The following NEGR1 variants were observed in gnomAD, a reference collection of about 807,000 sequenced individuals.
NEGR1 encodes the protein IgLON family member 4.
NEGR1 carries 10 observed loss-of-function variants against 40.9 expected under a neutral mutation model. The observed-to-expected ratio is 0.24, with a 90% CI of 0.15 to 0.42. The LOEUF (loss-of-function observed/expected upper bound fraction) is 0.42, where lower values mean the gene tolerates loss of function less well. Among genes scored for constraint, NEGR1 ranks in the 10% least tolerant of loss-of-function variants. NEGR1 has a pLI of 1.00. For missense variants in NEGR1, 352 were observed against 438.9 expected (o/e 0.80, Z 1.77); for synonymous variants, 185 against 166.8 (o/e 1.11, Z -0.84).
At chr1:71,827,165 GA>G (rs1658656623) in intron 2 of NEGR1, among the ~76,000 whole-genome samples, 1 of 151,336 alleles carries the variant, frequency 6.6e-6, no homozygotes, top group Non-Finnish European at 1.5e-5. Context: ...GAAAAAAAAG[GA>G]GCTTTTTTTT....
intron 1 of NEGR1, among the ~76,000 whole-genome samples, chr1:72,131,339 A>G (rs1362637180): frequency 6.6e-6 from 1 of 152,196 alleles, no homozygotes; most frequent in Non-Finnish European, 1.5e-5. Context: ...ATCTTATAAT[A>G]TTATAATAGG....
intron 1 of NEGR1, among the ~76,000 whole-genome samples, chr1:72,251,156 C>A (rs1182898827): frequency 6.6e-6 from 1 of 151,536 alleles, no homozygotes; most frequent in Non-Finnish European, 1.5e-5. Flanking sequence ...TCTCTTGTGA[C>A]TGTGTATGAT....
At chr1:72,019,955 C>T (rs747904859) in intron 1 of NEGR1, among the ~76,000 whole-genome samples, 8 of 152,146 alleles carry the variant, frequency 5.3e-5, no homozygotes, top group Admixed American at 1.3e-4. Context: ...TAGTGAAAAA[C>T]CTAATGCTGC....
intron 1 of NEGR1, among the ~76,000 whole-genome samples, chr1:71,976,761 C>T (rs1365828619): frequency 6.6e-6 from 1 of 152,072 alleles, no homozygotes; most frequent in East Asian, 1.9e-4. Context: ...TTTCCAATCA[C>T]TTTAATCTCA....
At chr1:72,143,881 TTC>T (rs1427394380) in intron 1 of NEGR1, among the ~76,000 whole-genome samples, 5 of 103,530 alleles carry the variant, frequency 4.8e-5, no homozygotes, top group Admixed American at 1.1e-4. Flanking sequence ...ATATCATATA[TTC>T]ATATATATAT....
At chr1:71,653,284 T>C (rs754827831) in intron 4 of NEGR1, among the ~76,000 whole-genome samples, 1 of 152,250 alleles carries the variant, frequency 6.6e-6, no homozygotes, top group African/African-American at 2.4e-5. Flanking sequence ...GGAATATTTA[T>C]GAAGACATAT....
chr1:72,214,850 GAA>G (rs151146422), intron 1 of NEGR1, among the ~76,000 whole-genome samples: 34,481 of 142,656 alleles, frequency 0.24, 4,077 homozygotes, highest in South Asian at 0.3. Flanking sequence ...CAGAATTAGC[GAA>G]AAAAAAAAAA....
intron 3 of NEGR1, among the ~76,000 whole-genome samples, chr1:71,730,569 T>TTATATA (rs56382019): frequency 0.19 from 25,220 of 134,404 alleles, 2,942 homozygotes; most frequent in East Asian, 0.42. Flanking sequence ...TAGTATAAAT[T>TTATATA]TATATATATA....
At chr1:71,991,721 C>A (rs1028955639) in intron 1 of NEGR1, among the ~76,000 whole-genome samples, 20 of 152,172 alleles carry the variant, frequency 1.3e-4, no homozygotes, top group Admixed American at 4.6e-4. Flanking sequence ...AGCTTTACAG[C>A]CCCAACCTAA....
chr1:71,542,417 A>T (rs1398131999), intron 6 of NEGR1, among the ~76,000 whole-genome samples: 1 of 151,778 alleles, frequency 6.6e-6, no homozygotes, highest in African/African-American at 2.4e-5. Context: ...GCTGTTGAGA[A>T]TATGAGATGT....
chr1:71,796,199 G>T (rs1657318118), intron 2 of NEGR1, among the ~76,000 whole-genome samples: 1 of 152,074 alleles, frequency 6.6e-6, no homozygotes, highest in Non-Finnish European at 1.5e-5. Flanking sequence ...GCATACAGAA[G>T]CCCTCTGTGT....
At chr1:71,997,941 T>TA (rs1646519384) in intron 1 of NEGR1, among the ~76,000 whole-genome samples, 1 of 151,992 alleles carries the variant, frequency 6.6e-6, no homozygotes, top group Admixed American at 6.6e-5. Flanking sequence ...TCATACCAGG[T>TA]AAAATTAACA....
At chr1:72,076,410 C>A (rs1647735488) in intron 1 of NEGR1, among the ~76,000 whole-genome samples, 1 of 152,138 alleles carries the variant, frequency 6.6e-6, no homozygotes, top group African/African-American at 2.4e-5. Context: ...GCCTCCAGAA[C>A]TATGATAAAT....
At chr1:71,762,323 A>T (rs1228345127) in intron 3 of NEGR1, among the ~76,000 whole-genome samples, 1 of 152,200 alleles carries the variant, frequency 6.6e-6, no homozygotes, top group East Asian at 1.9e-4. Context: ...TAATGAATCA[A>T]TAATTAAATT....
At chr1:71,650,647 T>A (rs1230264123) in intron 4 of NEGR1, among the ~76,000 whole-genome samples, 1 of 152,170 alleles carries the variant, frequency 6.6e-6, no homozygotes, top group African/African-American at 2.4e-5. Context: ...GTCTTGACTA[T>A]TTCAAGAAAA....
chr1:72,250,139 G>A (rs1034093102), intron 1 of NEGR1, among the ~76,000 whole-genome samples: 1 of 152,120 alleles, frequency 6.6e-6, no homozygotes, highest in Admixed American at 6.5e-5. Context: ...AGCAATTATT[G>A]AGTTTTCCCA....
chr1:71,967,316 G>C (rs1157956279), intron 1 of NEGR1, among the ~76,000 whole-genome samples: 2 of 152,090 alleles, frequency 1.3e-5, no homozygotes, highest in African/African-American at 2.4e-5. Context: ...CTCATAGTAA[G>C]CAGTCAGGGA....
rs1398187930 is a variant in NEGR1 at position 71,400,992 on chromosome 1, C to T, written c.*6454G>A. ...AGGTTGCAGTGAGCCAAGATCACAC[C>T]ACTGCACTCCATCCAGGGCAACCGA... is the stretch of plus-strand genomic sequence containing the variant. On this transcript the variant is annotated 3_prime_UTR_variant, in exon 7 of 7. Coordinates refer to ENST00000357731, the MANE Select transcript of NEGR1 (RefSeq NM_173808.3). The T allele has an allele frequency of 6.6e-6, 1 of 152,136 alleles. No homozygotes were observed. Among genetic ancestry groups the T allele is most frequent in the African/African-American group, 2.4e-5 (1 of 41,396 alleles). 9.4% of individuals were successfully genotyped at this position (152,136 alleles called of 1,614,324 possible).
chr1:71,806,977 C>T (rs1312670941), intron 2 of NEGR1, among the ~76,000 whole-genome samples: 3 of 150,606 alleles, frequency 2.0e-5, no homozygotes, highest in Non-Finnish European at 4.4e-5. Flanking sequence ...ACCGCAAGCT[C>T]CACCTTCCGG....
Sources: allele counts gnomAD v4.1 joint callset (sites outside exome capture counted in the v4.1 genomes callset), GRCh38; gene constraint gnomAD v4.1.1; transcripts MANE v1.5; gene names NCBI Gene and HGNC (gene_info 2026-07-23, HGNC 2026-07-21).